Variants in GRM7 observed in about 807,000 individuals in gnomAD.
GRM7 encodes the protein glutamate metabotropic receptor 7.
A neutral mutation model predicts 84.5 loss-of-function variants in GRM7; 35 were observed. The observed-to-expected ratio is 0.41, with a 90% CI of 0.32 to 0.55. The LOEUF is 0.55. Ranked by LOEUF, GRM7 falls within the 20% of genes least tolerant of loss-of-function variation. GRM7 has a pLI of 0.19. For synonymous variants in GRM7, 487 were observed against 455.1 expected, an observed-to-expected ratio of 1.07 and a Z score of -0.89; for missense variants, 1,003 against 1,194.6, an observed-to-expected ratio of 0.84 and a Z score of 2.36.
Position 6,861,752 on chromosome 3 carries a change from T to A in GRM7, c.364T>A (p.Phe122Ile), listed in dbSNP as rs1217880744. The A allele has an allele frequency of 1.2e-6, 2 of 1,614,200 alleles. No homozygotes were observed. Among genetic ancestry groups the A allele is most frequent in the Non-Finnish European group, 1.7e-6 (2 of 1,180,032 alleles). Residue 122 changes from phenylalanine (F) to isoleucine (I), a missense_variant, in exon 1 of 10, where the codon TTC (phenylalanine) becomes ATC (isoleucine). Physicochemically the swap from Phe to Ile is conservative, Grantham distance 21 (BLOSUM62 0). Around this residue, in one of 2 missense-constraint regions of GRM7, gnomAD observed 910 missense variants for 1,126.0 expected, o/e 0.81. Transcript: ENST00000357716. This position sits in a 1 kb window ranked among gnomAD's most constrained non-coding sequence, Gnocchi z 6.4. The part of the protein sequence containing the change: ...DTYALEQSLT[F>I]VQALIQKDTS... ...TTACGCGCTCGAACAGTCGCTTACT[T>A]TCGTCCAGGCGCTCATCCAGAAGGA...
intron 1 of GRM7, among the ~76,000 whole-genome samples, chr3:7,069,018 G>C (rs1697768422): frequency 6.6e-6 from 1 of 150,900 alleles, no homozygotes; most frequent in Admixed American, 6.6e-5. Context: ...ATCAGCCTAA[G>C]GCTTGTTCTC....
At chr3:7,587,450 T>G (rs925039120) in intron 8 of GRM7, among the ~76,000 whole-genome samples, 1 of 152,096 alleles carries the variant, frequency 6.6e-6, no homozygotes, top group African/African-American at 2.4e-5. Flanking sequence ...GAAGGTAAAA[T>G]AGTCACATAT....
intron 1 of GRM7, among the ~76,000 whole-genome samples, chr3:6,932,504 G>T (rs1697538438): frequency 6.6e-6 from 1 of 152,088 alleles, no homozygotes; most frequent in African/African-American, 2.4e-5. Flanking sequence ...AACTGGACTT[G>T]TCTTTTAGAT....
At chr3:6,997,893 G>T (rs1694877321) in intron 1 of GRM7, among the ~76,000 whole-genome samples, 1 of 151,856 alleles carries the variant, frequency 6.6e-6, no homozygotes, top group African/African-American at 2.4e-5. Context: ...GCTGAGGAGG[G>T]CAGATCACCT....
At chr3:6,896,009 G>A (rs916080041) in intron 1 of GRM7, among the ~76,000 whole-genome samples, 5 of 152,040 alleles carry the variant, frequency 3.3e-5, no homozygotes, top group Non-Finnish European at 5.9e-5. Context: ...TATAATGAAT[G>A]CACCCATAAA....
intron 2 of GRM7, among the ~76,000 whole-genome samples, chr3:7,253,152 ACT>A (rs969560044): frequency 2.6e-5 from 4 of 151,600 alleles, no homozygotes; most frequent in African/African-American, 7.3e-5. Flanking sequence ...GCTCTCCAGC[ACT>A]CTCTATTTTA....
chr3:7,008,729 A>T (rs1382801056), intron 1 of GRM7, among the ~76,000 whole-genome samples: 4 of 152,218 alleles, frequency 2.6e-5, no homozygotes, highest in African/African-American at 9.6e-5. Context: ...AGTGGCTTTC[A>T]GAGCCTGAGT....
chr3:7,354,826 C>T (rs1693320472), intron 4 of GRM7, among the ~76,000 whole-genome samples: 1 of 152,198 alleles, frequency 6.6e-6, no homozygotes. Flanking sequence ...ATGCCGTTTG[C>T]TCCATATCTG....
intron 7 of GRM7, among the ~76,000 whole-genome samples, chr3:7,565,352 A>G (rs758359098): frequency 1.1e-4 from 16 of 152,230 alleles, no homozygotes; most frequent in Non-Finnish European, 1.8e-4. Context: ...CATGAAGCAT[A>G]CACATATTAG....
intron 9 of GRM7, among the ~76,000 whole-genome samples, chr3:7,688,313 A>C (rs1484742498): frequency 2.0e-5 from 3 of 152,150 alleles, no homozygotes; most frequent in African/African-American, 7.2e-5. Flanking sequence ...TAAAGCAATG[A>C]GGTCACATCA....
intron 7 of GRM7, among the ~76,000 whole-genome samples, chr3:7,568,446 C>T (rs1042335276): frequency 9.2e-5 from 14 of 152,246 alleles, no homozygotes; most frequent in African/African-American, 2.9e-4. Context: ...AGCGTGCTGA[C>T]AGCCCTCACT....
intron 1 of GRM7, among the ~76,000 whole-genome samples, chr3:6,966,840 T>C (rs1485623325): frequency 6.6e-6 from 1 of 152,194 alleles, no homozygotes; most frequent in Admixed American, 6.5e-5. Context: ...GGAGCAGATA[T>C]CTGGGAGTAT....
In GRM7 at chr3:7,320,681, A is replaced by AGTGTATGTGTGT. The variant is rs367833809; in HGVS notation, c.1033+14033_1033+14034insATGTGTGTGTGT. On this transcript the variant is annotated intron_variant, in intron 4 of 9. Coordinates refer to ENST00000357716, the MANE Select transcript of GRM7 (RefSeq NM_000844.4). ...TCCTGAACACCATCAGTGGGTGATC[A>AGTGTATGTGTGT]GTGTGTGTGTGTGTGTGTGTGTGTG... 7.2e-3 allele frequency among the ~76,000 whole-genome samples: 1,013 copies of AGTGTATGTGTGT among 141,248 alleles called. 11 individuals are homozygous for AGTGTATGTGTGT. The highest frequency in any genetic ancestry group is 0.025 in the African/African-American group (961 of 38,330). The allele number at this position is 141,248 out of a possible 152,430, so 92.7% of individuals were successfully genotyped here. A position where few individuals can be genotyped will look rare whatever the true frequency, so the allele number is the denominator to read the frequency against.
At chr3:7,284,948 A>G (rs1217458342) in intron 2 of GRM7, among the ~76,000 whole-genome samples, 1 of 152,214 alleles carries the variant, frequency 6.6e-6, no homozygotes, top group Non-Finnish European at 1.5e-5. Context: ...GCTTATGCAT[A>G]TATTACTAAA....
chr3:7,740,389 A>G lies in GRM7; in HGVS notation c.2731A>G (p.Asn911Asp). 1 of 1,584,876 alleles carries G rather than the reference A, an allele frequency of 6.3e-7. No homozygotes were observed. Among genetic ancestry groups the G allele is most frequent in the Non-Finnish European group, 8.6e-7 (1 of 1,159,544 alleles). ...TGCAAAAAAGAAGTATGTCAGTTATAATAACCTGGTTATCTAACCTGTTCC... is the reference window on the plus strand; with the variant it reads ...TGCAAAAAAGAAGTATGTCAGTTATGATAACCTGGTTATCTAACCTGTTCC... The part of the protein sequence containing the change: ...PAAKKKYVSY[N>D]NLVI The change falls in exon 10 of 10, where the codon AAT becomes GAT. Residue 911 changes from asparagine to aspartate, a missense_variant. Transcript: ENST00000357716.
chr3:7,485,906 T>C (rs1005972242), intron 7 of GRM7, among the ~76,000 whole-genome samples: 1 of 152,206 alleles, frequency 6.6e-6, no homozygotes, highest in Non-Finnish European at 1.5e-5. Context: ...ACTTAAATAC[T>C]GAATTTTTCC....
chr3:7,177,282 A>G (rs983162507), intron 2 of GRM7, among the ~76,000 whole-genome samples: 10 of 152,140 alleles, frequency 6.6e-5, no homozygotes, highest in African/African-American at 1.9e-4. Context: ...ATCAAGGCAC[A>G]TCTTCTGTTT....
intron 1 of GRM7, among the ~76,000 whole-genome samples, chr3:6,998,853 C>G (rs1431127036): frequency 1.3e-5 from 2 of 152,178 alleles, no homozygotes; most frequent in East Asian, 1.9e-4. Flanking sequence ...AGCAGCAAGG[C>G]CCTGGGCCCA....
intron 1 of GRM7, among the ~76,000 whole-genome samples, chr3:6,960,763 T>G (rs532232392): frequency 1.2e-4 from 18 of 152,282 alleles, no homozygotes; most frequent in African/African-American, 3.8e-4. Context: ...CAGGTTCCCT[T>G]ATTTTCCCCT....
Sources: gnomAD v4.1 joint callset for allele counts (sites outside exome capture counted in the v4.1 genomes callset) on GRCh38, gnomAD v4.1.1 for gene constraint, gnomAD v4.1.1 regional missense constraint, Gnocchi (gnomAD v3.1) non-coding constraint, MANE v1.5 for transcripts, NCBI Gene and HGNC (gene_info 2026-07-23, HGNC 2026-07-21) for gene names.